Variants in AGMO observed in about 807,000 individuals in gnomAD.
The protein encoded by AGMO is glyceryl-ether monooxygenase.
AGMO carries 75 observed loss-of-function variants against 60.2 expected under a neutral mutation model. The observed-to-expected ratio is 1.25, with a 90% confidence interval of 1.03 to 1.51. The LOEUF is 1.51. Among genes scored for constraint, AGMO ranks in the 40% most tolerant of loss-of-function variants. AGMO has a pLI of 0.00. For missense variants in AGMO, 763 were observed against 525.5 expected (o/e 1.45, Z -4.42); for synonymous variants, 261 against 177.1 (o/e 1.47, Z -3.76).
Position 15,366,195 on chromosome 7 carries a change from T to G in AGMO, c.1102A>C (p.Arg368=). 1 of 1,608,372 alleles carries G rather than the reference T, an allele frequency of 6.2e-7. No individual in the cohort carries two copies. Among genetic ancestry groups the G allele is most frequent in the Non-Finnish European group, 8.5e-7 (1 of 1,176,842 alleles). ...AALSQVTLLL[R]VCFIILTLTS... is the part of the protein sequence containing the mutation. Reference sequence around the variant, plus strand: ...AAGGTCAGGATAATGAAGCAAACCCTCAGAAGGAGAGTAACTTGCGACAGT... The same window carrying G: ...AAGGTCAGGATAATGAAGCAAACCCGCAGAAGGAGAGTAACTTGCGACAGT... Residue 368 remains arginine, a synonymous_variant, in exon 11 of 13, where the codon AGG becomes CGG. Coordinates refer to ENST00000342526, the MANE Select transcript of AGMO (RefSeq NM_001004320.2).
intron 12 of AGMO, among the ~76,000 whole-genome samples, chr7:15,357,732 CAG>C (rs1324150243): frequency 4.6e-5 from 7 of 152,312 alleles, no homozygotes; most frequent in African/African-American, 7.2e-5. Flanking sequence ...CCTTGACAGC[CAG>C]AGAGAAGTCT....
intron 3 of AGMO, among the ~76,000 whole-genome samples, chr7:15,479,967 CA>C (rs1005148620): frequency 6.6e-6 from 1 of 150,856 alleles, no homozygotes; most frequent in African/African-American, 2.4e-5. Flanking sequence ...TGACTTAAAG[CA>C]AAAAAAAGCA....
chr7:15,551,798 C>T (rs1174541302), intron 2 of AGMO, among the ~76,000 whole-genome samples: 1 of 151,836 alleles, frequency 6.6e-6, no homozygotes, highest in African/African-American at 2.4e-5. Flanking sequence ...TGACTTTCCT[C>T]ACAGAATTGG....
intron 12 of AGMO, among the ~76,000 whole-genome samples, chr7:15,226,703 A>G (rs1159902486): frequency 6.6e-6 from 1 of 152,122 alleles, no homozygotes; most frequent in African/African-American, 2.4e-5. Flanking sequence ...GACCCACAGC[A>G]AATCATTTTG....
At chr7:15,269,291 C>T (rs558259808) in intron 12 of AGMO, among the ~76,000 whole-genome samples, 5 of 151,960 alleles carry the variant, frequency 3.3e-5, no homozygotes, top group East Asian at 1.9e-4. Flanking sequence ...GTGAGTATAA[C>T]GCAATGAGAG....
intron 4 of AGMO, among the ~76,000 whole-genome samples, chr7:15,428,303 G>A (rs1781127991): frequency 6.6e-6 from 1 of 152,038 alleles, no homozygotes; most frequent in African/African-American, 2.4e-5. Context: ...TAAGAATCCA[G>A]GCTGACTTAC....
the AGMO span, among the ~76,000 whole-genome samples, chr7:15,136,074 A>G: frequency 8.5e-4 from 120 of 141,540 alleles, no homozygotes; most frequent in African/African-American, 3.1e-3. Flanking sequence ...GTTTACTGCA[A>G]CCTCTGCCTC....
At chr7:15,356,007 T>C (rs992246564) in intron 12 of AGMO, among the ~76,000 whole-genome samples, 1 of 151,986 alleles carries the variant, frequency 6.6e-6, no homozygotes, top group Non-Finnish European at 1.5e-5. Flanking sequence ...AAACAGAAAA[T>C]AGTAATTAGA....
At chr7:15,142,272 CAA>C in the AGMO span, among the ~76,000 whole-genome samples, 1 of 152,194 alleles carries the variant, frequency 6.6e-6, no homozygotes, top group Middle Eastern at 3.4e-3. Flanking sequence ...GTGGGAAATC[CAA>C]AGTTAGTTAT....
At chr7:15,246,135 T>C (rs890032687) in intron 12 of AGMO, among the ~76,000 whole-genome samples, 8 of 152,206 alleles carry the variant, frequency 5.3e-5, no homozygotes, top group African/African-American at 1.7e-4. Context: ...TAATTCAAAC[T>C]ACATTTTTAG....
At chr7:15,531,609 C>CTATATATATTCTATA (rs1415334392) in intron 3 of AGMO, among the ~76,000 whole-genome samples, 1 of 113,952 alleles carries the variant, frequency 8.8e-6, no homozygotes. Flanking sequence ...TATATATATT[C>CTATATATATTCTATA]TATGTATATT....
At chr7:15,458,583 T>C (rs4412265) in intron 3 of AGMO, among the ~76,000 whole-genome samples, 54,794 of 152,098 alleles carry the variant, frequency 0.36, 10,329 homozygotes, top group Middle Eastern at 0.49. Flanking sequence ...TCATTATTCA[T>C]CTCACTTTTG....
intron 12 of AGMO, among the ~76,000 whole-genome samples, chr7:15,361,546 A>AAAAAAAAAAAAAGAAAAAAAG (rs60239009): frequency 4.4e-5 from 4 of 91,408 alleles, no homozygotes; most frequent in South Asian, 3.6e-4. Context: ...TCTCAAAAAA[A>AAAAAAAAAAAAAGAAAAAAAG]AAAAAAAAGG....
At chr7:15,277,904 G>C (rs541593357) in intron 12 of AGMO, among the ~76,000 whole-genome samples, 6 of 152,214 alleles carry the variant, frequency 3.9e-5, no homozygotes, top group Non-Finnish European at 8.8e-5. Context: ...TGACAAGGGC[G>C]CTAGCCCTAA....
At chr7:15,161,687 GTATATA>G in the AGMO span, among the ~76,000 whole-genome samples, 195 of 150,768 alleles carry the variant, frequency 1.3e-3, 1 homozygote, top group African/African-American at 4.6e-3. Flanking sequence ...ATATGTATAT[GTATATA>G]TGTGTGTGTG....
At chr7:15,430,605 A>ATTT (rs1562503085) in intron 4 of AGMO, among the ~76,000 whole-genome samples, 94 of 122,500 alleles carry the variant, frequency 7.7e-4, no homozygotes, top group East Asian at 4.7e-3. Flanking sequence ...GTTTTTTTTA[A>ATTT]AAAAAAAAAA....
chr7:15,506,845 C>T (rs1397851273), intron 3 of AGMO, among the ~76,000 whole-genome samples: 6 of 151,632 alleles, frequency 4.0e-5, no homozygotes, highest in African/African-American at 1.5e-4. Context: ...CTAAAAACAA[C>T]AAAAAAGAGC....
chr7:15,275,811 C>T (rs1783769439), intron 12 of AGMO, among the ~76,000 whole-genome samples: 3 of 151,340 alleles, frequency 2.0e-5, no homozygotes, highest in Admixed American at 2.0e-4. Flanking sequence ...TTTTTTTAAC[C>T]ATTGTTGGTT....
At chr7:15,242,192 T>G (rs1317359719) in intron 12 of AGMO, among the ~76,000 whole-genome samples, 4 of 152,172 alleles carry the variant, frequency 2.6e-5, no homozygotes, top group African/African-American at 9.7e-5. Flanking sequence ...GCATGATATA[T>G]TATCATATTC....
Sources: allele counts gnomAD v4.1 joint callset (sites outside exome capture counted in the v4.1 genomes callset), GRCh38; gene constraint gnomAD v4.1.1; transcripts MANE v1.5; gene names NCBI Gene and HGNC (gene_info 2026-07-23, HGNC 2026-07-21).